The following ST18 variants were observed in gnomAD, a reference collection of about 807,000 sequenced individuals.
The protein encoded by ST18 is suppression of tumorigenicity 18 protein.
In ST18, 50 loss-of-function variants were observed where a neutral mutation model predicts 110.0. That is an observed-to-expected ratio of 0.45 (90% confidence interval 0.36 to 0.58). ST18 has a LOEUF of 0.58. ST18 is among the 20% of genes least tolerant of loss of function. The pLI is 0.00. For synonymous variants in ST18, 461 were observed against 452.4 expected (o/e 1.02, Z -0.24); for missense variants, 1,306 against 1,280.1 (o/e 1.02, Z -0.31).
chr8:52,244,056 T>C (rs2093655482), intron 2 of ST18, among the ~76,000 whole-genome samples: 1 of 152,142 alleles, frequency 6.6e-6, no homozygotes, highest in Non-Finnish European at 1.5e-5. Context: ...GATCCTCCAG[T>C]TGATAAGACT....
chr8:52,394,055 T>C (rs956427493), intron 2 of ST18, among the ~76,000 whole-genome samples: 1 of 152,132 alleles, frequency 6.6e-6, no homozygotes, highest in African/African-American at 2.4e-5. Flanking sequence ...CATATCTTCA[T>C]ACTCACAGAT....
At chr8:52,357,120 G>T (rs578235290) in intron 2 of ST18, among the ~76,000 whole-genome samples, 1 of 152,116 alleles carries the variant, frequency 6.6e-6, no homozygotes, top group African/African-American at 2.4e-5. Context: ...TATTTATGGG[G>T]CACATGAGAT....
intron 8 of ST18, among the ~76,000 whole-genome samples, chr8:52,193,453 G>A (rs75390952): frequency 0.04 from 6,159 of 152,280 alleles, 164 homozygotes; most frequent in East Asian, 0.083. Context: ...AGGCAGGACC[G>A]ACTCTGAAGA....
At chr8:52,366,364 G>A (rs892285995) in intron 2 of ST18, among the ~76,000 whole-genome samples, 5 of 152,002 alleles carry the variant, frequency 3.3e-5, no homozygotes, top group Non-Finnish European at 7.4e-5. Flanking sequence ...CATGTTTCCC[G>A]CTCTCCTCAG....
chr8:52,142,785 G>T (rs1437088850), intron 17 of ST18, 145 bp downstream of exon 17: 3 of 609,996 alleles, frequency 4.9e-6, no homozygotes, highest in Non-Finnish European at 5.8e-6. Flanking sequence ...CTTAGCTCAG[G>T]TTAGATGCGT....
At chr8:52,295,404 T>C (rs1397105521) in intron 2 of ST18, among the ~76,000 whole-genome samples, 1 of 152,186 alleles carries the variant, frequency 6.6e-6, no homozygotes, top group Non-Finnish European at 1.5e-5. Context: ...AACTGGCTTT[T>C]TTTCCCTCTC....
intron 2 of ST18, among the ~76,000 whole-genome samples, chr8:52,387,974 G>A (rs952144440): frequency 2.9e-4 from 19 of 65,494 alleles, no homozygotes; most frequent in Non-Finnish European, 4.7e-4. Flanking sequence ...GCCCCACGCC[G>A]GGCACTATTC....
intron 8 of ST18, among the ~76,000 whole-genome samples, chr8:52,190,006 G>T (rs984752541): frequency 6.6e-6 from 1 of 152,146 alleles, no homozygotes; most frequent in Non-Finnish European, 1.5e-5. Flanking sequence ...AGATGGAATG[G>T]CAAACATTAG....
chr8:52,340,779 C>T (rs906493277), intron 2 of ST18, among the ~76,000 whole-genome samples: 2 of 152,166 alleles, frequency 1.3e-5, no homozygotes, highest in African/African-American at 4.8e-5. Flanking sequence ...CACCTACTTC[C>T]AAAGTTCAAA....
chr8:52,376,493 G>T (rs983072859), intron 2 of ST18, among the ~76,000 whole-genome samples: 1 of 152,112 alleles, frequency 6.6e-6, no homozygotes, highest in South Asian at 2.1e-4. Flanking sequence ...ACTGCAAATT[G>T]CTTCTCACTC....
intron 2 of ST18, among the ~76,000 whole-genome samples, chr8:52,290,273 C>T (rs1331453309): frequency 2.6e-5 from 4 of 152,106 alleles, no homozygotes; most frequent in Non-Finnish European, 5.9e-5. Context: ...TCCTTAGCTC[C>T]TTGGTGGGCT....
chr8:52,351,451 T>C (rs1441644698), intron 2 of ST18, among the ~76,000 whole-genome samples: 1 of 152,240 alleles, frequency 6.6e-6, no homozygotes, highest in Admixed American at 6.5e-5. Flanking sequence ...AATTGCACAC[T>C]GCATATTTTT....
At chr8:52,260,329 T>C (rs761084925) in intron 2 of ST18, among the ~76,000 whole-genome samples, 1 of 152,204 alleles carries the variant, frequency 6.6e-6, no homozygotes, top group Non-Finnish European at 1.5e-5. Context: ...GGCTTTCATA[T>C]CAGATGGATA....
intron 2 of ST18, chr8:52,405,950 G>A (rs1844331806): frequency 2.0e-5 from 3 of 152,186 alleles, no homozygotes; most frequent in African/African-American, 7.2e-5. Context: ...AGTTCGACGT[G>A]GAGTTGATAG....
At chr8:52,123,902 G>C (rs761118737) in intron 23 of ST18, among the ~76,000 whole-genome samples, 1 of 152,164 alleles carries the variant, frequency 6.6e-6, no homozygotes, top group Admixed American at 6.5e-5. Flanking sequence ...TCTGTTTACA[G>C]TATGGATGGT....
intron 2 of ST18, among the ~76,000 whole-genome samples, chr8:52,400,145 T>C (rs1590724611): frequency 6.6e-6 from 1 of 152,224 alleles, no homozygotes; most frequent in Middle Eastern, 3.4e-3. Context: ...AGGTTAGCCC[T>C]TTTACCATTA....
chr8:52,217,349 C>A (rs1204868380), intron 6 of ST18, among the ~76,000 whole-genome samples: 2 of 152,030 alleles, frequency 1.3e-5, no homozygotes, highest in Non-Finnish European at 2.9e-5. Flanking sequence ...GTAAACTCTG[C>A]CACTCTTATT....
chr8:52,298,841 G>T (rs1200211250), intron 2 of ST18, among the ~76,000 whole-genome samples: 4 of 151,952 alleles, frequency 2.6e-5, no homozygotes, highest in Admixed American at 2.6e-4. Context: ...TTTTCTCTTG[G>T]CACAATGAAG....
chr8:52,359,991 T>C (rs188174301), intron 2 of ST18, among the ~76,000 whole-genome samples: 240 of 152,282 alleles, frequency 1.6e-3, no homozygotes, highest in Admixed American at 5.8e-3. Context: ...TTGTGAACCA[T>C]GAAATCACAA....
Sources: gnomAD v4.1 joint callset for allele counts (sites outside exome capture counted in the v4.1 genomes callset) on GRCh38, gnomAD v4.1.1 for gene constraint, MANE v1.5 for transcripts, NCBI Gene and HGNC (gene_info 2026-07-23, HGNC 2026-07-21) for gene names.